Variants in CTNNA2 observed in about 807,000 individuals in gnomAD.
CTNNA2 encodes the protein catenin alpha 2.
A neutral mutation model predicts 101.0 loss-of-function variants in CTNNA2; 42 were observed. The ratio of observed to expected loss-of-function variants is 0.42; its 90% confidence interval spans 0.32 to 0.54. CTNNA2 has a LOEUF of 0.54. CTNNA2 is among the 20% of genes least tolerant of loss of function. The pLI, the probability that CTNNA2 is intolerant of heterozygous loss-of-function variation, is 0.14. For missense variants in CTNNA2, 871 were observed against 1,223.1 expected, an observed-to-expected ratio of 0.71 and a Z score of 4.29; for synonymous variants, 450 against 456.4, an observed-to-expected ratio of 0.99 and a Z score of 0.18.
intron 7 of CTNNA2, among the ~76,000 whole-genome samples, chr2:80,329,174 G>A (rs1479838036): frequency 6.6e-6 from 1 of 152,198 alleles, no homozygotes; most frequent in Non-Finnish European, 1.5e-5. Context: ...GCAGGTATCA[G>A]CTGACTTCCT....
chr2:80,572,705 T>C (rs1694704448), intron 12 of CTNNA2: 1 of 152,188 alleles, frequency 6.6e-6, no homozygotes, highest in African/African-American at 2.4e-5. Flanking sequence ...AATATAGTTT[T>C]ATTTGATTCA....
intron 1 of CTNNA2, among the ~76,000 whole-genome samples, chr2:79,613,174 A>AC: frequency 6.6e-6 from 1 of 151,560 alleles, no homozygotes; most frequent in African/African-American, 2.4e-5. Context: ...GCAAAAAAAA[A>AC]AAACGATGTT....
At position 80,180,581 on chromosome 2, in the gene CTNNA2, G is replaced by T. The variant is rs993397605; in HGVS notation, c.1057-212630G>T. 5.8e-4 allele frequency among the ~76,000 whole-genome samples: 89 copies of T among 152,256 alleles called. 1 individual carries two copies. The highest frequency in any genetic ancestry group is 2.0e-3 in the African/African-American group (85 of 41,554). On this transcript the variant is annotated intron_variant, in intron 7 of 18. Transcript: ENST00000402739. ...ACTATTCCTGTTGCATTTAAATTTT[G>T]TAGTTGAGTGACTGCGGTTCCTCTT...
chr2:80,178,352 A>G (rs529261823), intron 7 of CTNNA2, among the ~76,000 whole-genome samples: 1 of 152,344 alleles, frequency 6.6e-6, no homozygotes, highest in Non-Finnish European at 1.5e-5. Context: ...CTATAGTTGA[A>G]CGTTCAGTTT....
chr2:80,141,602 C>A (rs1236534516), intron 7 of CTNNA2, among the ~76,000 whole-genome samples: 1 of 152,074 alleles, frequency 6.6e-6, no homozygotes, highest in East Asian at 1.9e-4. Flanking sequence ...ACAACATAAA[C>A]CACCATGAAG....
intron 7 of CTNNA2, among the ~76,000 whole-genome samples, chr2:80,199,582 G>T (rs1314972028): frequency 1.3e-5 from 2 of 152,214 alleles, no homozygotes; most frequent in East Asian, 3.9e-4. Flanking sequence ...GTGAGAGCCA[G>T]AATGAGGGAA....
At chr2:79,697,928 G>C (rs976092076) in intron 2 of CTNNA2, 2 of 151,846 alleles carry the variant, frequency 1.3e-5, no homozygotes, top group African/African-American at 4.8e-5. Context: ...GTATACTCTA[G>C]AAAATTTAAA....
chr2:79,189,308 T>C (rs1673822100), intron 1 of CTNNA2, among the ~76,000 whole-genome samples: 2 of 152,226 alleles, frequency 1.3e-5, no homozygotes, highest in Admixed American at 1.3e-4. Flanking sequence ...TCTAGATGTG[T>C]ACCTATTTTA....
At chr2:79,437,455 G>T (rs1333166037) in intron 4 of CTNNA2, among the ~76,000 whole-genome samples, 1 of 152,010 alleles carries the variant, frequency 6.6e-6, no homozygotes, top group African/African-American at 2.4e-5. Flanking sequence ...ATTTTGAGTA[G>T]CAAGGATCAG....
At chr2:79,777,155 G>C (rs1340269408) in intron 3 of CTNNA2, 1 of 152,158 alleles carries the variant, frequency 6.6e-6, no homozygotes, top group Non-Finnish European at 1.5e-5. Flanking sequence ...TCTTAAGCTT[G>C]AGTAGGGTTC....
chr2:79,416,257 C>CTTTTTTT (rs66830925), intron 4 of CTNNA2, among the ~76,000 whole-genome samples: 15 of 94,638 alleles, frequency 1.6e-4, no homozygotes, highest in Non-Finnish European at 2.5e-4. Context: ...CTTTCCTTTT[C>CTTTTTTT]TTTTTTTTTT....
chr2:79,670,776 C>G (rs1332744940), intron 2 of CTNNA2, among the ~76,000 whole-genome samples: 1 of 152,128 alleles, frequency 6.6e-6, no homozygotes, highest in Non-Finnish European at 1.5e-5. Context: ...CGCTTTTGCT[C>G]TGGATCACGT....
intron 7 of CTNNA2, among the ~76,000 whole-genome samples, chr2:80,052,818 T>C (rs944773693): frequency 6.6e-6 from 1 of 152,160 alleles, no homozygotes; most frequent in Non-Finnish European, 1.5e-5. Context: ...AAACGTCCTT[T>C]CATAAGAATC....
At chr2:80,211,757 A>G (rs1284528337) in intron 7 of CTNNA2, among the ~76,000 whole-genome samples, 2 of 152,170 alleles carry the variant, frequency 1.3e-5, no homozygotes, top group Non-Finnish European at 2.9e-5. Flanking sequence ...CTGTGAAGAA[A>G]GTCATTGGTA....
chr2:80,430,317 G>A (rs963032378), intron 9 of CTNNA2, among the ~76,000 whole-genome samples: 2 of 152,094 alleles, frequency 1.3e-5, no homozygotes, highest in Non-Finnish European at 2.9e-5. Context: ...TAGATACCAT[G>A]GTAATGTTCA....
intron 9 of CTNNA2, among the ~76,000 whole-genome samples, chr2:80,437,857 G>C (rs924381886): frequency 2.6e-5 from 4 of 152,174 alleles, no homozygotes; most frequent in African/African-American, 7.2e-5. Flanking sequence ...AAATTAGCTG[G>C]GCATAGTGGT....
chr2:80,147,336 A>G (rs946216838), intron 7 of CTNNA2, among the ~76,000 whole-genome samples: 1 of 152,112 alleles, frequency 6.6e-6, no homozygotes, highest in Non-Finnish European at 1.5e-5. Flanking sequence ...TCCTGACCTC[A>G]AGTGATCCAC....
intron 2 of CTNNA2, among the ~76,000 whole-genome samples, chr2:79,673,328 ATATAT>A (rs1235034519): frequency 6.6e-6 from 1 of 152,128 alleles, no homozygotes; most frequent in Admixed American, 6.5e-5. Flanking sequence ...GAAAACACTG[ATATAT>A]TATAAATACA....
intron 3 of CTNNA2, among the ~76,000 whole-genome samples, chr2:79,819,460 A>G (rs932290797): frequency 5.9e-5 from 9 of 152,200 alleles, no homozygotes; most frequent in Middle Eastern, 3.2e-3. Flanking sequence ...CCTTTGTACA[A>G]TACTTGGGGA....
Sources: gnomAD v4.1 joint callset for allele counts (sites outside exome capture counted in the v4.1 genomes callset) on GRCh38, gnomAD v4.1.1 for gene constraint, MANE v1.5 for transcripts, NCBI Gene and HGNC (gene_info 2026-07-23, HGNC 2026-07-21) for gene names.